The following NAV3 variants were observed in gnomAD, a reference collection of about 807,000 sequenced individuals.
NAV3 encodes pore membrane and/or filament interacting like protein 1.
Under a neutral mutation model 244.7 loss-of-function variants are expected in NAV3, and 87 were observed. The ratio of observed to expected loss-of-function variants is 0.36; its 90% CI spans 0.30 to 0.42. NAV3 has a LOEUF of 0.42. Among genes scored for constraint, NAV3 ranks in the 20% least tolerant of loss-of-function variants. NAV3 has a pLI of 1.00. For synonymous variants in NAV3, 1,126 were observed against 1,042.2 expected (o/e 1.08, Z -1.55); for missense variants, 2,663 against 2,893.3 (o/e 0.92, Z 1.83).
At chr12:77,940,991 T>C in intron 2 of NAV3, 90 bp from the exon 3 acceptor site, 3 of 852,002 alleles carry the variant, frequency 3.5e-6, no homozygotes, top group Non-Finnish European at 5.7e-6. Context: ...CTTGGTATTT[T>C]TTTTTTCCTG....
At chr12:77,580,232 A>G (rs1445514561) in intron 2 of NAV3, among the ~76,000 whole-genome samples, 2 of 86,376 alleles carry the variant, frequency 2.3e-5, no homozygotes, top group African/African-American at 7.3e-5. Flanking sequence ...ACACACACAC[A>G]CACACACACA....
intron 18 of NAV3, among the ~76,000 whole-genome samples, chr12:78,130,178 A>G (rs1017328646): frequency 6.6e-6 from 1 of 152,152 alleles, no homozygotes; most frequent in East Asian, 1.9e-4. Flanking sequence ...GCCTAAACAG[A>G]GTGTAATATT....
intron 12 of NAV3, chr12:78,091,514 T>C (rs1953930291): frequency 6.6e-6 from 1 of 152,174 alleles, no homozygotes; most frequent in South Asian, 2.1e-4. Context: ...AATTCACCTG[T>C]GGCCGGGCGC....
intron 2 of NAV3, among the ~76,000 whole-genome samples, chr12:77,777,757 C>T (rs1055706815): frequency 6.6e-6 from 1 of 151,902 alleles, no homozygotes; most frequent in African/African-American, 2.4e-5. Flanking sequence ...GGAGAAAAGA[C>T]TAGAAGGTAC....
In NAV3 at chr12:78,050,086, C is replaced by T; in HGVS notation, c.2117C>T (p.Thr706Ile). The T allele has an allele frequency of 6.2e-7, 1 of 1,608,574 alleles. No homozygotes were observed. Among genetic ancestry groups the T allele is most frequent in the South Asian group, 1.1e-5 (1 of 89,222 alleles). The change falls in exon 10 of 40, where the codon ACT becomes ATT. Residue 706 changes from threonine (T) to isoleucine (I), a missense_variant. This residue lies in a region of NAV3 where 1,521 missense variants were observed against 1,497.0 expected (regional missense o/e 1.02). Transcript: ENST00000397909. Reference sequence around the variant, plus strand: ...GAGACTATGTCCAGTCTTCGTGGGACTCAGATAAGCCACAGGTTTTTTTCA... The same window carrying T: ...GAGACTATGTCCAGTCTTCGTGGGATTCAGATAAGCCACAGGTTTTTTTCA... ...LEETMSSLRG[T>I]QISHSTLETT...
At chr12:77,902,745 C>T (rs546078177) in intron 1 of NAV3, among the ~76,000 whole-genome samples, 5 of 152,244 alleles carry the variant, frequency 3.3e-5, no homozygotes, top group Admixed American at 1.3e-4. Context: ...TAGAAAACCC[C>T]ATCGTCTCAG....
At chr12:77,997,216 C>T (rs936176608) in intron 6 of NAV3, among the ~76,000 whole-genome samples, 25 of 116,060 alleles carry the variant, frequency 2.2e-4, no homozygotes, top group Non-Finnish European at 3.1e-4. Context: ...CTAGCCTGGG[C>T]GACAGAGTGA....
intron 1 of NAV3, among the ~76,000 whole-genome samples, chr12:77,887,174 G>A (rs908432301): frequency 2.0e-5 from 3 of 152,102 alleles, no homozygotes; most frequent in Non-Finnish European, 2.9e-5. Flanking sequence ...GGGAGAGAGT[G>A]AGGGTAGACT....
At chr12:77,829,133 T>A (rs1873327707), upstream of NAV3, among the ~76,000 whole-genome samples, 3 of 152,214 alleles carry the variant, frequency 2.0e-5, no homozygotes, top group Admixed American at 2.0e-4. Flanking sequence ...GGCTTCCTCT[T>A]CAAAGGGGCA....
chr12:77,789,895 A>C (rs1203559415), intron 2 of NAV3, among the ~76,000 whole-genome samples: 1 of 151,138 alleles, frequency 6.6e-6, no homozygotes, highest in Non-Finnish European at 1.5e-5. Flanking sequence ...ATTTTAAGAG[A>C]GCTTACGAAT....
chr12:78,132,867 T>C (rs1261406778), intron 18 of NAV3, among the ~76,000 whole-genome samples: 1 of 152,122 alleles, frequency 6.6e-6, no homozygotes, highest in Non-Finnish European at 1.5e-5. Context: ...CTATTTGTCT[T>C]ATAATTTCAT....
upstream of NAV3, among the ~76,000 whole-genome samples, chr12:77,827,251 A>C (rs1873102956): frequency 6.6e-6 from 1 of 151,360 alleles, no homozygotes; most frequent in Non-Finnish European, 1.5e-5. Flanking sequence ...AAAAAAAAAA[A>C]AAAAAAAAAA....
chr12:78,144,212 ATTGT>A lies in NAV3; in HGVS notation c.4684-2154_4684-2151del. 2.6e-5 allele frequency among the ~76,000 whole-genome samples: 4 copies of A among 152,266 alleles called. No homozygotes were observed. In the East Asian group the frequency reaches 7.7e-4, roughly 29 times the overall value. On this transcript the variant is annotated intron_variant, in intron 20 of 39. Coordinates refer to ENST00000397909, the MANE Select transcript of NAV3 (RefSeq NM_001024383.2). ...AAGTGTCATTTTTGATTCATTGTGG[ATTGT>A]TTAACATGTTGCCTAACAAATAGCT...
chr12:77,883,743 A>G (rs555933066), intron 1 of NAV3, among the ~76,000 whole-genome samples: 4 of 152,190 alleles, frequency 2.6e-5, no homozygotes, highest in African/African-American at 9.6e-5. Context: ...TTCCTCTTTT[A>G]TCTTGAAGAT....
chr12:77,890,652 C>T (rs138296142), intron 1 of NAV3, among the ~76,000 whole-genome samples: 33 of 152,204 alleles, frequency 2.2e-4, no homozygotes, highest in East Asian at 1.4e-3. Flanking sequence ...GATTCTTCAT[C>T]GAGTAAATGC....
At chr12:78,084,850 C>G (rs1195451053) in intron 12 of NAV3, among the ~76,000 whole-genome samples, 1 of 152,098 alleles carries the variant, frequency 6.6e-6, no homozygotes, top group Non-Finnish European at 1.5e-5. Context: ...CTTGGCCTAT[C>G]AGCACTCTTT....
chr12:78,116,896 A>G lies in NAV3; in HGVS notation c.2761A>G (p.Asn921Asp). The change falls in exon 13 of 40, where the codon AAT (asparagine) becomes GAT (aspartate). Residue 921 changes from asparagine to aspartate, a missense_variant. Coordinates refer to ENST00000397909, the MANE Select transcript of NAV3 (RefSeq NM_001024383.2). ...CAACATCACCGTCCCCTCTAGGAAGAATACTCAGGTGAGAATTACCACCTT... is the reference window on the plus strand; with the variant it reads ...CAACATCACCGTCCCCTCTAGGAAGGATACTCAGGTGAGAATTACCACCTT... Reference protein sequence around the residue: ...YSNITVPSRKNTQLRTDSEKR... With the variant: ...YSNITVPSRKDTQLRTDSEKR... 1 of 1,610,748 alleles carries G rather than the reference A, an allele frequency of 6.2e-7. No individual in the cohort carries two copies. The highest frequency in any genetic ancestry group is 8.5e-7 in the Non-Finnish European group (1 of 1,177,918).
intron 38 of NAV3, among the ~76,000 whole-genome samples, chr12:78,203,762 T>C (rs953404713): frequency 2.6e-5 from 4 of 152,012 alleles, no homozygotes; most frequent in Admixed American, 2.0e-4. Flanking sequence ...GGGAAAGTAA[T>C]TTAAGGAAAA....
intron 1 of NAV3, among the ~76,000 whole-genome samples, chr12:77,877,957 G>T (rs1352736937): frequency 1.3e-5 from 2 of 152,084 alleles, no homozygotes; most frequent in Non-Finnish European, 2.9e-5. Context: ...TTTCCCAAAA[G>T]CTTATAACCC....
Sources: allele counts gnomAD v4.1 joint callset (sites outside exome capture counted in the v4.1 genomes callset), GRCh38; gene constraint gnomAD v4.1.1; regional missense constraint gnomAD v4.1.1; transcripts MANE v1.5; gene names NCBI Gene and HGNC (gene_info 2026-07-23, HGNC 2026-07-21).